Variants in HAS3 observed in about 807,000 individuals in gnomAD.
The protein encoded by HAS3 is hyaluronan synthase 3, also known as HA synthase 3.
In HAS3, 27 loss-of-function variants were observed where a neutral mutation model predicts 50.3. That is an observed-to-expected ratio of 0.54 (90% confidence interval 0.40 to 0.74). The LOEUF (loss-of-function observed/expected upper bound fraction) is 0.74. Among genes scored for constraint, HAS3 ranks in the 30% least tolerant of loss-of-function variants. HAS3 has a pLI of 0.00. For missense variants in HAS3, 517 were observed against 742.8 expected, an observed-to-expected ratio of 0.70 and a Z score of 3.53; for synonymous variants, 339 against 310.9, an observed-to-expected ratio of 1.09 and a Z score of -0.95.
upstream of HAS3, among the ~76,000 whole-genome samples, chr16:69,102,845 A>G (rs1960710646): frequency 1.3e-5 from 2 of 152,140 alleles, no homozygotes; most frequent in African/African-American, 2.4e-5. Context: ...CAGGGAGACA[A>G]ACTTGCACCC....
In HAS3 at chr16:69,115,253, T is replaced by C. The variant is rs780928740; in HGVS notation, c.1649T>C (p.Phe550Ser). The C allele has an allele frequency of 3.4e-5, 52 of 1,520,566 alleles. 1 individual carries two copies. The Admixed American group carries it at 1.1e-3, about 32-fold the overall frequency. The allele number at this position is 1,520,566 out of a possible 1,614,324, so 94.2% of individuals were successfully genotyped here. A position where few individuals can be genotyped will look rare whatever the true frequency, so the allele number is the denominator to read the frequency against. Reference protein sequence around the residue: ...GKKPEQYSLAFAEV With the variant: ...GKKPEQYSLASAEV Reference sequence around the variant, plus strand: ...AAGCCGGAGCAGTACAGCTTGGCTTTTGCTGAGGTGTGACATGGCCCCCAA... The same window carrying C: ...AAGCCGGAGCAGTACAGCTTGGCTTCTGCTGAGGTGTGACATGGCCCCCAA... The change falls in exon 4 of 4, where the codon TTT (phenylalanine) becomes TCT (serine). Residue 550 changes from phenylalanine (F) to serine (S), a missense_variant. Phe to Ser is a radical substitution (Grantham distance 155). Coordinates refer to ENST00000569188, the MANE Select transcript of HAS3 (RefSeq NM_001199280.2).
chr16:69,100,430 A>G, the HAS3 span, among the ~76,000 whole-genome samples: 1 of 152,136 alleles, frequency 6.6e-6, no homozygotes, highest in Non-Finnish European at 1.5e-5. Context: ...GGGAAAGTGG[A>G]TGGGGATGAA....
Position 69,116,373 on chromosome 16 carries a change from T to G in HAS3, c.*1107T>G. 1.0e-6 allele frequency: 1 copy of G among 985,914 alleles called. No individual in the cohort carries two copies. Among genetic ancestry groups the G allele is most frequent in the Non-Finnish European group, 1.2e-6 (1 of 829,932 alleles). The allele number at this position is 985,914 out of a possible 1,614,324, so 61.1% of individuals were successfully genotyped here. ...AACTATGAGGAGCCTCTGATCAAAT[T>G]GGCTACAATCTTGGAGCTGCTTGGA... On this transcript the variant is annotated 3_prime_UTR_variant, in exon 4 of 4. Coordinates refer to ENST00000569188, the MANE Select transcript of HAS3 (RefSeq NM_001199280.2).
At chr16:69,112,964 A>C (rs1452057282) in intron 2 of HAS3, among the ~76,000 whole-genome samples, 1 of 152,200 alleles carries the variant, frequency 6.6e-6, no homozygotes, top group Non-Finnish European at 1.5e-5. Flanking sequence ...GCCTGCAAGT[A>C]GGTAGTCTGG....
chr16:69,109,315 G>C lies in HAS3; in HGVS notation c.1-81G>C, dbSNP rs890561402. 6.4e-6 allele frequency: 9 copies of C among 1,405,470 alleles called. No individual in the cohort carries two copies. Among genetic ancestry groups the C allele is most frequent in the East Asian group, 2.3e-5 (1 of 43,432 alleles). 87.1% of individuals were successfully genotyped at this position (1,405,470 alleles called of 1,614,324 possible). A position where few individuals can be genotyped will look rare whatever the true frequency, so the allele number is the denominator to read the frequency against. On this transcript the variant is annotated intron_variant, in intron 1 of 3. Coordinates refer to ENST00000569188, the MANE Select transcript of HAS3 (RefSeq NM_001199280.2). The surrounding 1 kb of genome is among the most constrained non-coding windows in gnomAD (Gnocchi z 5.3). The stretch of plus-strand genomic sequence containing the variant: ...TTTGATCAGTGGGTCATGTCCACTA[G>C]TAACAGAGAACACCCATGCTCCCAC...
In HAS3 at chr16:69,113,641, T is replaced by C. The variant is rs142308142; in HGVS notation, c.738+99T>C. 2,851 of 718,418 alleles carry C rather than the reference T, an allele frequency of 4.0e-3. 56 individuals carry two copies. The East Asian group carries it at 0.044, about 11-fold the overall frequency. 44.5% of individuals were successfully genotyped at this position (718,418 alleles called of 1,614,324 possible). ...AAATGGGTGTCTTGACTTCCTAGTA[T>C]TGGGGGGAGGTTCCTCGCTGGCAGT... On this transcript the variant is annotated intron_variant, in intron 3 of 3. Coordinates refer to ENST00000569188, the MANE Select transcript of HAS3 (RefSeq NM_001199280.2).
the HAS3 span, among the ~76,000 whole-genome samples, chr16:69,094,468 A>G: frequency 6.6e-6 from 1 of 152,218 alleles, no homozygotes. Flanking sequence ...GGGAATGCTA[A>G]TGTTTCAGAG....
intron 3 of HAS3, among the ~76,000 whole-genome samples, 178 bp downstream of exon 3, chr16:69,113,720 C>T (rs1007912289): frequency 3.3e-5 from 5 of 152,186 alleles, no homozygotes; most frequent in African/African-American, 7.2e-5. Flanking sequence ...CTTTCTTGCT[C>T]TTCTTCCACA....
chr16:69,108,238 C>T (rs972487911), intron 1 of HAS3, among the ~76,000 whole-genome samples: 1 of 152,122 alleles, frequency 6.6e-6, no homozygotes, highest in East Asian at 1.9e-4. Flanking sequence ...CCACAGTCAC[C>T]CTCACCACTA....
At position 69,109,383 on chromosome 16, in the gene HAS3, C is replaced by T; in HGVS notation, c.1-13C>T. The T allele has an allele frequency of 2.5e-6, 4 of 1,588,882 alleles. No individual in the cohort carries two copies. The South Asian group carries it at 3.4e-5, about 13-fold the overall frequency. ...TCCTGCCTGACCCTTCATCTCCTGC[C>T]TTCTCTCGCCAGATGCCGGTGCAGC... On this transcript the variant is annotated splice_polypyrimidine_tract_variant and intron_variant, in intron 1 of 3. Transcript: ENST00000569188. The surrounding 1 kb of genome is among the most constrained non-coding windows in gnomAD (Gnocchi z 5.3).
chr16:69,115,912 A>G lies in HAS3; in HGVS notation c.*646A>G, dbSNP rs960336486. ...GGGAGTTAGCACTGAACTGCTTTTA[A>G]AAGTGCACATTAAAAAGGAAAGTTT... On this transcript the variant is annotated 3_prime_UTR_variant, in exon 4 of 4. Transcript: ENST00000569188. The G allele has an allele frequency of 1.0e-4, 103 of 985,736 alleles. No homozygotes were observed. Among genetic ancestry groups the G allele is most frequent in the Non-Finnish European group, 1.1e-4 (92 of 829,932 alleles). 61.1% of individuals were successfully genotyped at this position (985,736 alleles called of 1,614,324 possible).
the HAS3 span, among the ~76,000 whole-genome samples, chr16:69,087,359 A>G: frequency 1.3e-5 from 2 of 152,186 alleles, no homozygotes; most frequent in East Asian, 3.8e-4. Flanking sequence ...TTCAGGTTAG[A>G]CTTCCTGAAC....
rs1488105448 is a variant in HAS3, at chr16:69,107,243, C to T, written c.-1+1456C>T. 1 of 737,822 alleles carries T rather than the reference C, an allele frequency of 1.4e-6. No individual in the cohort carries two copies. The highest frequency in any genetic ancestry group is 1.6e-6 in the Non-Finnish European group (1 of 606,796). The allele number at this position is 737,822 out of a possible 1,614,324, so 45.7% of individuals were successfully genotyped here. ...GCACGTGGGGTATCTGGCTGAGGGA[C>T]ATTTTGGGGGCCTCTATTTGGGGGT... On this transcript the variant is annotated intron_variant, in intron 1 of 3. Transcript: ENST00000569188. The surrounding 1 kb of genome is among the most constrained non-coding windows in gnomAD (Gnocchi z 5.5).
Position 69,116,924 on chromosome 16 carries a change from C to T in HAS3, c.*1658C>T, listed in dbSNP as rs1248533153. On this transcript the variant is annotated 3_prime_UTR_variant, in exon 4 of 4. Coordinates refer to ENST00000569188, the MANE Select transcript of HAS3 (RefSeq NM_001199280.2). ...GGGCAAGCCTCTAGTGTACCAAGTG[C>T]TTCCTACAAAGACGCAAGGTGTGCT... 2.0e-6 allele frequency: 2 copies of T among 985,328 alleles called. No homozygotes were observed. The highest frequency in any genetic ancestry group is 2.4e-6 in the Non-Finnish European group (2 of 829,928). 61.0% of individuals were successfully genotyped at this position (985,328 alleles called of 1,614,324 possible). A position where few individuals can be genotyped will look rare whatever the true frequency, so the allele number is the denominator to read the frequency against.
rs867755161 is a variant in HAS3, at chr16:69,115,763, T to C, written c.*497T>C. On this transcript the variant is annotated 3_prime_UTR_variant, in exon 4 of 4. Transcript: ENST00000569188. ...CTAAGTAGTCATCAATGCAATAAGA[T>C]TGCGCCTGAGATACAAGGCCCAGAA... 65 of 986,346 alleles carry C rather than the reference T, an allele frequency of 6.6e-5. 1 individual carries two copies. Among genetic ancestry groups the C allele is most frequent in the Middle Eastern group, 5.2e-4 (1 of 1,914 alleles). 61.1% of individuals were successfully genotyped at this position (986,346 alleles called of 1,614,324 possible). A position where few individuals can be genotyped will look rare whatever the true frequency, so the allele number is the denominator to read the frequency against.
In HAS3 at chr16:69,109,903, G is replaced by A. The variant is rs1404042462; in HGVS notation, c.508G>A (p.Gly170Ser). ...EGETEASLQEGMDRVRDVVRA... is the reference protein window; with the variant it reads ...EGETEASLQESMDRVRDVVRA... ...TGAGACGGAGGCCAGCCTGCAGGAG[G>A]GCATGGACCGTGTGCGGGATGTGGT... The change falls in exon 2 of 4, where the codon GGC becomes AGC. Residue 170 changes from glycine (G) to serine (S), a missense_variant. Gly to Ser is a moderately conservative substitution (Grantham distance 56). Transcript: ENST00000569188. This position sits in a 1 kb window ranked among gnomAD's most constrained non-coding sequence, Gnocchi z 5.3. The A allele has an allele frequency of 1.2e-6, 2 of 1,614,044 alleles. No homozygotes were observed. The highest frequency in any genetic ancestry group is 1.3e-5 in the African/African-American group (1 of 75,068).
Position 69,116,340 on chromosome 16 carries a change from C to T in HAS3, c.*1074C>T, listed in dbSNP as rs1410508813. On this transcript the variant is annotated 3_prime_UTR_variant, in exon 4 of 4. Transcript: ENST00000569188. ...GCAGGAGGCAAGCGTGTTCTCAGCA[C>T]ATATGGGAACTATGAGGAGCCTCTG... is the stretch of plus-strand genomic sequence containing the variant. 4.1e-6 allele frequency: 4 copies of T among 985,872 alleles called. No homozygotes were observed. Among genetic ancestry groups the T allele is most frequent in the Non-Finnish European group, 4.8e-6 (4 of 829,918 alleles). 61.1% of individuals were successfully genotyped at this position (985,872 alleles called of 1,614,324 possible). A position where few individuals can be genotyped will look rare whatever the true frequency, so the allele number is the denominator to read the frequency against.
At chr16:69,105,180 A>G (rs1597090896), upstream of HAS3, among the ~76,000 whole-genome samples, 1 of 151,572 alleles carries the variant, frequency 6.6e-6, no homozygotes, top group African/African-American at 2.4e-5. Flanking sequence ...GAAAGTGCTG[A>G]GATTACAGGC....
At chr16:69,083,654 T>C in the HAS3 span, 2 of 1,558,442 alleles carry the variant, frequency 1.3e-6, no homozygotes, top group East Asian at 2.4e-5. Context: ...ATCATGGTCC[T>C]GCCGTAGACC....
Sources: gnomAD v4.1 joint callset for allele counts (sites outside exome capture counted in the v4.1 genomes callset) on GRCh38, gnomAD v4.1.1 for gene constraint, Gnocchi (gnomAD v3.1) non-coding constraint, MANE v1.5 for transcripts, NCBI Gene and HGNC (gene_info 2026-07-23, HGNC 2026-07-21) for gene names.